ANKS6: variants seen among roughly 807,000 people sequenced by gnomAD.
ANKS6 encodes the protein ankyrin repeat and sterile alpha motif domain containing 6.
Under a neutral mutation model 77.9 loss-of-function variants are expected in ANKS6, and 47 were observed. The observed-to-expected ratio is 0.60, with a 90% CI of 0.48 to 0.77. ANKS6 has a LOEUF of 0.77. Among genes scored for constraint, ANKS6 ranks in the 30% least tolerant of loss-of-function variants. The probability of loss-of-function intolerance (pLI) is 0.00; values close to 1 mark genes in which losing one functional copy is unlikely to be tolerated. For synonymous variants in ANKS6, 488 were observed against 501.7 expected, an observed-to-expected ratio of 0.97 and a Z score of 0.37; for missense variants, 1,150 against 1,159.1, an observed-to-expected ratio of 0.99 and a Z score of 0.11.
At position 98,733,552 on chromosome 9, in the gene ANKS6, T is replaced by G; in HGVS notation, c.*2967A>C. ...TGACCACCAAGGGCCCTGACCCACT[T>G]CCAGGGCTGCAAGGCCTCTTGGTTG... On this transcript the variant is annotated 3_prime_UTR_variant, in exon 15 of 15. Coordinates refer to ENST00000353234, the MANE Select transcript of ANKS6 (RefSeq NM_173551.5). The G allele has an allele frequency of 3.0e-6, 3 of 985,454 alleles. No individual in the cohort carries two copies. The highest frequency in any genetic ancestry group is 3.6e-6 in the Non-Finnish European group (3 of 829,970). The allele number at this position is 985,454 out of a possible 1,614,324, so 61.0% of individuals were successfully genotyped here. A position where few individuals can be genotyped will look rare whatever the true frequency, so the allele number is the denominator to read the frequency against.
chr9:98,736,656 T>A, intron 14 of ANKS6, 33 bp from the exon 15 acceptor site: 1 of 1,566,788 alleles, frequency 6.4e-7, no homozygotes, highest in South Asian at 1.2e-5. Flanking sequence ...ACACAGAAAG[T>A]CTTATTAAAC....
intron 3 of ANKS6, 176 bp from the exon 4 acceptor site, chr9:98,784,333 A>G: frequency 1.9e-6 from 1 of 530,752 alleles, no homozygotes. Context: ...TAAATGCCTC[A>G]GTCTAGGCGA....
At chr9:98,784,188 T>G in intron 3 of ANKS6, 31 bp from the exon 4 acceptor site, 1 of 1,501,112 alleles carries the variant, frequency 6.7e-7, no homozygotes, top group Non-Finnish European at 9.0e-7. Context: ...CCGGGTGAAC[T>G]GTGGGCCTGG....
rs1349070714 is a variant in ANKS6 at position 98,791,077 on chromosome 9, CA to C, written c.360-472del. Among the ~76,000 whole-genome samples the C allele has an allele frequency of 1.6e-4, 25 of 152,350 alleles. No individual in the cohort carries two copies. The highest frequency in any genetic ancestry group is 6.0e-4 in the African/African-American group (25 of 41,574). On this transcript the variant is annotated intron_variant, in intron 1 of 14. Coordinates refer to ENST00000353234, the MANE Select transcript of ANKS6 (RefSeq NM_173551.5). This position sits in a 1 kb window ranked among gnomAD's most constrained non-coding sequence, Gnocchi z 4.3. ...GGCTGGTAAGGGGTGGCATCAGGGT[CA>C]GGACAGGTCTGTGTGAATGCCGCTG...
Position 98,733,310 on chromosome 9 carries a change from GACAT to G in ANKS6, c.*3205_*3208del, listed in dbSNP as rs1831305619. The G allele has an allele frequency of 2.0e-6, 2 of 985,388 alleles. No individual in the cohort carries two copies. The highest frequency in any genetic ancestry group is 9.4e-5 in the South Asian group (2 of 21,294). The allele number at this position is 985,388 out of a possible 1,614,324, so 61.0% of individuals were successfully genotyped here. On this transcript the variant is annotated 3_prime_UTR_variant, in exon 15 of 15. Coordinates refer to ENST00000353234, the MANE Select transcript of ANKS6 (RefSeq NM_173551.5). Reference sequence around the variant, plus strand: ...GCCCTCCGTGGCCAGCAGGGACTTGGACATCCAGCACTCACGACACACCAGCAAG... The same window carrying G: ...GCCCTCCGTGGCCAGCAGGGACTTGGCCAGCACTCACGACACACCAGCAAG...
rs1831380066 is a variant in ANKS6, at chr9:98,734,457, A to G, written c.*2062T>C. 1 of 985,380 alleles carries G rather than the reference A, an allele frequency of 1.0e-6. No homozygotes were observed. The highest frequency in any genetic ancestry group is 4.7e-5 in the South Asian group (1 of 21,284). 61.0% of individuals were successfully genotyped at this position (985,380 alleles called of 1,614,324 possible). ...AAGCAGGCACAAAACCTCAAAGCACATAACGTCAGGGGCCATGAATTTCAG... is the reference window on the plus strand; with the variant it reads ...AAGCAGGCACAAAACCTCAAAGCACGTAACGTCAGGGGCCATGAATTTCAG... On this transcript the variant is annotated 3_prime_UTR_variant, in exon 15 of 15. Transcript: ENST00000353234.
At chr9:98,775,695 C>T (rs991325280) in intron 8 of ANKS6, among the ~76,000 whole-genome samples, 2 of 152,174 alleles carry the variant, frequency 1.3e-5, no homozygotes, top group Non-Finnish European at 2.9e-5. Context: ...ACTCAAAAGA[C>T]ATATCCATAA....
At position 98,770,992 on chromosome 9, in the gene ANKS6, C is replaced by T. The variant is rs751944617; in HGVS notation, c.1876G>A (p.Ala626Thr). 9.4e-6 allele frequency: 15 copies of T among 1,596,400 alleles called. No homozygotes were observed. Among genetic ancestry groups the T allele is most frequent in the Non-Finnish European group, 1.2e-5 (14 of 1,171,298 alleles). The change falls in exon 10 of 15, where the codon GCC becomes ACC. Residue 626 changes from alanine (A) to threonine (T), a missense_variant. Coordinates refer to ENST00000353234, the MANE Select transcript of ANKS6 (RefSeq NM_173551.5). ...GAGTGGTTGAAGTTTCCAGAATTGGCAGAAGAGGCTGGGCTTCTGGGGAGG... is the reference window on the plus strand; with the variant it reads ...GAGTGGTTGAAGTTTCCAGAATTGGTAGAAGAGGCTGGGCTTCTGGGGAGG... ...PSLPRSPASS[A>T]NSGNFNHSPH...
intron 14 of ANKS6, among the ~76,000 whole-genome samples, chr9:98,744,477 G>A (rs988016336): frequency 1.3e-5 from 2 of 152,170 alleles, no homozygotes; most frequent in African/African-American, 4.8e-5. Flanking sequence ...GCCAGACAAG[G>A]TAAGTGTAAG....
At chr9:98,770,833 G>A (rs1025849164) in intron 10 of ANKS6, 63 bp downstream of exon 10, 19 of 1,310,438 alleles carry the variant, frequency 1.4e-5, no homozygotes, top group African/African-American at 3.0e-5. Context: ...TATCCAGGCA[G>A]TGCACACCCT....
intron 11 of ANKS6, 76 bp downstream of exon 11, chr9:98,768,005 C>G: frequency 6.6e-7 from 1 of 1,511,608 alleles, no homozygotes. Context: ...AGGCACTGCC[C>G]ATGCTTCCCG....
At chr9:98,756,323 G>A in intron 12 of ANKS6, 97 bp downstream of exon 12, 2 of 1,336,578 alleles carry the variant, frequency 1.5e-6, no homozygotes, top group Admixed American at 2.3e-5. Flanking sequence ...ACCTGACCTA[G>A]GATGGTTATA....
Position 98,790,098 on chromosome 9 carries a change from C to A in ANKS6, c.862+6G>T, listed in dbSNP as rs778758703. 35 of 1,548,562 alleles carry A rather than the reference C, an allele frequency of 2.3e-5. No individual in the cohort carries two copies. The highest frequency in any genetic ancestry group is 2.9e-5 in the Non-Finnish European group (33 of 1,140,462). Reference sequence around the variant, plus strand: ...CTGTGAAGCCACGGGGGGCATGCAGCCTGACCTGTTTTGGGCCTGACGGTG... The same window carrying A: ...CTGTGAAGCCACGGGGGGCATGCAGACTGACCTGTTTTGGGCCTGACGGTG... On this transcript the variant is annotated splice_donor_region_variant and intron_variant, in intron 2 of 14. Transcript: ENST00000353234.
At chr9:98,773,806 G>A (rs1324314234) in intron 9 of ANKS6, 71 bp downstream of exon 9, 17 of 1,331,452 alleles carry the variant, frequency 1.3e-5, no homozygotes, top group Admixed American at 5.8e-5. Context: ...TTGAGGTCCC[G>A]CTGCCTGGAA....
intron 6 of ANKS6, among the ~76,000 whole-genome samples, chr9:98,778,685 A>G (rs965692246): frequency 6.6e-6 from 1 of 152,198 alleles, no homozygotes; most frequent in Non-Finnish European, 1.5e-5. Context: ...GCCACCCCTC[A>G]TCTAATCAAT....
Position 98,732,557 on chromosome 9 carries a change from C to T in ANKS6, c.*3962G>A, listed in dbSNP as rs1184666070. On this transcript the variant is annotated 3_prime_UTR_variant, in exon 15 of 15. Coordinates refer to ENST00000353234, the MANE Select transcript of ANKS6 (RefSeq NM_173551.5). The stretch of plus-strand genomic sequence containing the variant: ...GGCCTCACCCACCCAACCATGGCTA[C>T]GTCAGGGCAGAAGGGAGAGAAGAAA... The T allele has an allele frequency of 1.6e-5, 25 of 1,550,418 alleles. No homozygotes were observed. In the African/African-American group the frequency reaches 1.8e-4, roughly 11 times the overall value.
At chr9:98,748,988 T>C (rs553030589) in intron 13 of ANKS6, among the ~76,000 whole-genome samples, 2 of 152,286 alleles carry the variant, frequency 1.3e-5, no homozygotes, top group Non-Finnish European at 2.9e-5. Context: ...CATGCCCTTT[T>C]GCAAGGGACT....
intron 1 of ANKS6, among the ~76,000 whole-genome samples, chr9:98,794,755 G>A (rs1288223102): frequency 6.6e-6 from 1 of 152,128 alleles, no homozygotes; most frequent in Non-Finnish European, 1.5e-5. Context: ...TTGGTGGATT[G>A]CAGAGATGAG....
intron 12 of ANKS6, among the ~76,000 whole-genome samples, chr9:98,754,502 C>T (rs1371623623): frequency 6.6e-6 from 1 of 151,976 alleles, no homozygotes; most frequent in South Asian, 2.1e-4. Context: ...ATTAGCCAGG[C>T]GTGGTGGCGG....
Sources: gnomAD v4.1 joint callset for allele counts (sites outside exome capture counted in the v4.1 genomes callset) on GRCh38, gnomAD v4.1.1 for gene constraint, Gnocchi (gnomAD v3.1) non-coding constraint, MANE v1.5 for transcripts, NCBI Gene and HGNC (gene_info 2026-07-23, HGNC 2026-07-21) for gene names.